Variants in DPH6 observed in about 807,000 individuals in gnomAD.
DPH6 encodes the protein diphthamine biosynthesis 6, also known as diphthine--ammonia ligase.
DPH6 carries 33 observed loss-of-function variants against 38.2 expected under a neutral mutation model. That is an observed-to-expected ratio of 0.86 (90% CI 0.65 to 1.15). The LOEUF is 1.15. DPH6 is among the 50% of genes most tolerant of loss of function. DPH6 has a pLI of 0.00. For missense variants in DPH6, 325 were observed against 320.0 expected, an observed-to-expected ratio of 1.02 and a Z score of -0.12; for synonymous variants, 108 against 103.0, an observed-to-expected ratio of 1.05 and a Z score of -0.30.
exon 4 of DPH6, chr15:35,219,557 G>A (rs1412491837): frequency 1.3e-5 from 2 of 152,062 alleles, no homozygotes; most frequent in Non-Finnish European, 2.9e-5. Context: ...TTTTCACGCA[G>A]CCTAGTGACT....
At chr15:35,412,094 T>G (rs1566900312) in intron 5 of DPH6, among the ~76,000 whole-genome samples, 1 of 151,700 alleles carries the variant, frequency 6.6e-6, no homozygotes, top group East Asian at 1.9e-4. Flanking sequence ...AGAAAATATG[T>G]GCAAAGAACA....
At chr15:35,318,208 A>G (rs2052210265) in intron 3 of DPH6, among the ~76,000 whole-genome samples, 1 of 152,152 alleles carries the variant, frequency 6.6e-6, no homozygotes, top group Non-Finnish European at 1.5e-5. Context: ...AAAAAGATAT[A>G]CTATGGAAAT....
chr15:35,309,201 G>A (rs763794911), intron 3 of DPH6, among the ~76,000 whole-genome samples: 13 of 152,192 alleles, frequency 8.5e-5, no homozygotes, highest in South Asian at 6.2e-4. Flanking sequence ...CTAGCAGCTA[G>A]AATCAGAAAT....
chr15:35,239,513 C>T (rs1276133209), intron 3 of DPH6, among the ~76,000 whole-genome samples: 9 of 143,870 alleles, frequency 6.3e-5, no homozygotes, highest in South Asian at 2.4e-4. Flanking sequence ...TCACCCTTAG[C>T]GGCAAGTCCC....
intron 3 of DPH6, among the ~76,000 whole-genome samples, chr15:35,321,850 G>T (rs936181187): frequency 6.6e-5 from 10 of 152,086 alleles, no homozygotes. Context: ...TGAGATTCTG[G>T]CATTGTAGTA....
At chr15:35,183,730 T>C in the DPH6 span, among the ~76,000 whole-genome samples, 1 of 152,286 alleles carries the variant, frequency 6.6e-6, no homozygotes, top group East Asian at 1.9e-4. Flanking sequence ...ACACTTATTA[T>C]GATGTTAAAA....
At chr15:35,401,392 G>T (rs1052434277) in intron 6 of DPH6, 119 of 753,924 alleles carry the variant, frequency 1.6e-4, no homozygotes, top group Non-Finnish European at 2.7e-4. Context: ...TAATGATTTT[G>T]GTAATGATGG....
At chr15:35,361,898 T>C (rs1186706689) in intron 3 of DPH6, among the ~76,000 whole-genome samples, 1 of 147,240 alleles carries the variant, frequency 6.8e-6, no homozygotes, top group Non-Finnish European at 1.5e-5. Flanking sequence ...AATGATTACT[T>C]TGAATTCTTT....
chr15:35,220,941 C>A (rs2051438416), intron 3 of DPH6, among the ~76,000 whole-genome samples: 1 of 152,210 alleles, frequency 6.6e-6, no homozygotes, highest in Non-Finnish European at 1.5e-5. Flanking sequence ...AAAGTCTCAT[C>A]TAAATCATCT....
intron 5 of DPH6, among the ~76,000 whole-genome samples, chr15:35,424,801 AAAG>A (rs1279759085): frequency 6.6e-6 from 1 of 151,652 alleles, no homozygotes; most frequent in African/African-American, 2.4e-5. Context: ...AAAAACTGGG[AAAG>A]AATACTATGA....
At chr15:35,372,295 C>T in intron 8 of DPH6, 92 bp from the exon 9 acceptor site, 2 of 1,056,584 alleles carry the variant, frequency 1.9e-6, no homozygotes, top group Non-Finnish European at 2.5e-6. Context: ...ATACTGTTAT[C>T]TGAAATACTG....
In DPH6 at chr15:35,492,466, G is replaced by A. The variant is rs191161400; in HGVS notation, c.313-37646C>T. Reference sequence around the variant, plus strand: ...AAAACTATATATCATATAAGTGCTAGAAGGTAATCCATAAAGCTTCACTGG... The same window carrying A: ...AAAACTATATATCATATAAGTGCTAAAAGGTAATCCATAAAGCTTCACTGG... On this transcript the variant is annotated intron_variant, in intron 3 of 8. Coordinates refer to ENST00000256538, the MANE Select transcript of DPH6 (RefSeq NM_080650.4). 6.6e-5 allele frequency among the ~76,000 whole-genome samples: 10 copies of A among 152,240 alleles called. No individual in the cohort carries two copies. The East Asian group carries it at 1.9e-3, about 29-fold the overall frequency.
chr15:35,322,495 G>C (rs998791280), intron 3 of DPH6, among the ~76,000 whole-genome samples: 2 of 152,152 alleles, frequency 1.3e-5, no homozygotes, highest in Non-Finnish European at 2.9e-5. Context: ...ATTTTGCAAA[G>C]GCAGTTTCAC....
At chr15:35,446,539 T>C (rs1566912796) in intron 5 of DPH6, among the ~76,000 whole-genome samples, 2 of 152,188 alleles carry the variant, frequency 1.3e-5, no homozygotes, top group South Asian at 2.1e-4. Context: ...ATAATTGTCT[T>C]AGTAACATTT....
the DPH6 span, among the ~76,000 whole-genome samples, chr15:35,177,604 ATCATCATCATC>A: frequency 8.1e-6 from 1 of 123,678 alleles, no homozygotes; most frequent in Admixed American, 9.5e-5. Context: ...AAAAAAAATC[ATCATCATCATC>A]ATCATCATCA....
At chr15:35,413,933 T>A (rs1048211078) in intron 5 of DPH6, among the ~76,000 whole-genome samples, 4 of 151,756 alleles carry the variant, frequency 2.6e-5, no homozygotes, top group Admixed American at 2.6e-4. Context: ...TAATCATCTG[T>A]GATTTTTTAC....
At chr15:35,284,801 A>ATTTTTTTTT (rs71123127) in intron 3 of DPH6, among the ~76,000 whole-genome samples, 2 of 79,216 alleles carry the variant, frequency 2.5e-5, no homozygotes, top group African/African-American at 5.7e-5. Flanking sequence ...AAGTCTCCAA[A>ATTTTTTTTT]TTTTTTTTTT....
At chr15:35,239,406 C>G (rs1294674276) in intron 3 of DPH6, among the ~76,000 whole-genome samples, 3 of 144,172 alleles carry the variant, frequency 2.1e-5, no homozygotes, top group African/African-American at 5.0e-5. Flanking sequence ...GGGAAGGCAG[C>G]CTTCCCTTGG....
At chr15:35,425,675 ATGTG>A (rs890396766) in intron 5 of DPH6, among the ~76,000 whole-genome samples, 1 of 68,174 alleles carries the variant, frequency 1.5e-5, no homozygotes, top group Admixed American at 1.4e-4. Context: ...GTGTGTGTGT[ATGTG>A]TGTGTGTGTA....
Sources: allele counts gnomAD v4.1 joint callset (sites outside exome capture counted in the v4.1 genomes callset), GRCh38; gene constraint gnomAD v4.1.1; transcripts MANE v1.5; gene names NCBI Gene and HGNC (gene_info 2026-07-23, HGNC 2026-07-21).